EPHA8: variants seen among roughly 807,000 people sequenced by gnomAD.
EPHA8 encodes the protein EPH receptor A8, also known as ephrin type-A receptor 8.
Under a neutral mutation model 103.6 loss-of-function variants are expected in EPHA8, and 58 were observed. That is an observed-to-expected ratio of 0.56 (90% confidence interval 0.45 to 0.70). EPHA8 has a LOEUF of 0.70. Among genes scored for constraint, EPHA8 ranks in the 30% least tolerant of loss-of-function variants. EPHA8 has a pLI of 0.00. For synonymous variants in EPHA8, 559 were observed against 572.5 expected, an observed-to-expected ratio of 0.98 and a Z score of 0.34; for missense variants, 1,304 against 1,395.2, an observed-to-expected ratio of 0.93 and a Z score of 1.04.
chr1:22,602,467 C>T lies in EPHA8; in HGVS notation c.*726C>T, dbSNP rs1358347762. The T allele has an allele frequency of 6.5e-6, 1 of 153,070 alleles. No homozygotes were observed. Among genetic ancestry groups the T allele is most frequent in the African/African-American group, 2.4e-5 (1 of 41,442 alleles). 9.5% of individuals were successfully genotyped at this position (153,070 alleles called of 1,614,324 possible). A position where few individuals can be genotyped will look rare whatever the true frequency, so the allele number is the denominator to read the frequency against. ...GGCCACCTGCAGCCTCCACCCGGCT[C>T]TCACCGCTGCTTCAACAGGAAAACA... On this transcript the variant is annotated 3_prime_UTR_variant, in exon 17 of 17. Transcript: ENST00000166244.
chr1:22,602,883 A>G lies in EPHA8; in HGVS notation c.*1142A>G, dbSNP rs209697. On this transcript the variant is annotated 3_prime_UTR_variant, in exon 17 of 17. Transcript: ENST00000166244. ...CCTGCCAAGGCTCTTGTCCCCATAC[A>G]CCATCCCACAAGGGCGCTGGGGGTG... 0.16 allele frequency: 25,015 copies of G among 152,250 alleles called. 2,354 individuals carry two copies. The highest frequency in any genetic ancestry group is 0.25 in the African/African-American group (10,298 of 41,422). 9.4% of individuals were successfully genotyped at this position (152,250 alleles called of 1,614,324 possible). A position where few individuals can be genotyped will look rare whatever the true frequency, so the allele number is the denominator to read the frequency against.
At chr1:22,584,483 G>A (rs1241269300) in intron 3 of EPHA8, among the ~76,000 whole-genome samples, 1 of 152,168 alleles carries the variant, frequency 6.6e-6, no homozygotes, top group Non-Finnish European at 1.5e-5. Flanking sequence ...CTGACTCCAG[G>A]TTTTCTCTCA....
intron 1 of EPHA8, among the ~76,000 whole-genome samples, chr1:22,566,483 G>A (rs1444236712): frequency 2.0e-5 from 3 of 152,196 alleles, no homozygotes; most frequent in African/African-American, 4.8e-5. Context: ...AGAGGGACCC[G>A]TTTGATCCCC....
At chr1:22,600,514 C>A in intron 13 of EPHA8, 147 bp from the exon 14 acceptor site, 1 of 1,122,908 alleles carries the variant, frequency 8.9e-7, no homozygotes, top group Non-Finnish European at 1.3e-6. Flanking sequence ...AGGCCTCCCT[C>A]AGGACAGGTG....
At chr1:22,586,781 G>GGC (rs66713995) in intron 4 of EPHA8, 146 bp downstream of exon 4, 16 of 898,668 alleles carry the variant, frequency 1.8e-5, no homozygotes, top group Non-Finnish European at 2.1e-5. Context: ...AGTCTGAGGT[G>GGC]GGGGGGGTGA....
rs1640726407 is a variant in EPHA8 at position 22,576,973 on chromosome 1, C to T, written c.823+93C>T. ...GTGTAAGGGGGGACGTCAGAGCCCA[C>T]AGGCACCTGAGTGACCCACACAGCC... On this transcript the variant is annotated intron_variant, in intron 3 of 16. Coordinates refer to ENST00000166244, the MANE Select transcript of EPHA8 (RefSeq NM_020526.5). The surrounding 1 kb of genome is among the most constrained non-coding windows in gnomAD (Gnocchi z 4.8). 5 of 1,402,256 alleles carry T rather than the reference C, an allele frequency of 3.6e-6. No individual in the cohort carries two copies. Among genetic ancestry groups the T allele is most frequent in the Middle Eastern group, 2.6e-4 (1 of 3,820 alleles). The allele number at this position is 1,402,256 out of a possible 1,614,324, so 86.9% of individuals were successfully genotyped here. A position where few individuals can be genotyped will look rare whatever the true frequency, so the allele number is the denominator to read the frequency against.
rs1380751782 is a variant in EPHA8, at chr1:22,567,020, G to T, written c.95-2269G>T. Among the ~76,000 whole-genome samples the T allele has an allele frequency of 6.6e-6, 1 of 152,210 alleles. No individual in the cohort carries two copies. Among genetic ancestry groups the T allele is most frequent in the Non-Finnish European group, 1.5e-5 (1 of 68,036 alleles). ...ATCTTTGGATTATCTGATCCCCCTG[G>T]CTGGTTGATCAAGAATCAGCTGCAG... On this transcript the variant is annotated intron_variant, in intron 1 of 16. Coordinates refer to ENST00000166244, the MANE Select transcript of EPHA8 (RefSeq NM_020526.5). The surrounding 1 kb of genome is among the most constrained non-coding windows in gnomAD (Gnocchi z 4.2).
intron 2 of EPHA8, among the ~76,000 whole-genome samples, chr1:22,572,240 T>C (rs1640561594): frequency 6.6e-6 from 1 of 152,234 alleles, no homozygotes; most frequent in South Asian, 2.1e-4. Context: ...GCCAGGGCAC[T>C]GGGTCCTGAT....
At chr1:22,571,774 G>C (rs1202332802) in intron 2 of EPHA8, among the ~76,000 whole-genome samples, 2 of 152,196 alleles carry the variant, frequency 1.3e-5, no homozygotes, top group Non-Finnish European at 2.9e-5. Context: ...AGGGAGCCAG[G>C]CATGGTGGCT....
At chr1:22,590,902 C>T (rs1467361900) in intron 5 of EPHA8, among the ~76,000 whole-genome samples, 2 of 152,124 alleles carry the variant, frequency 1.3e-5, no homozygotes, top group Non-Finnish European at 2.9e-5. Context: ...GGACATGGCA[C>T]CTCCAGACCC....
At position 22,599,026 on chromosome 1, in the gene EPHA8, G is replaced by C. The variant is rs376937106; in HGVS notation, c.2367G>C (p.Pro789=). 3 of 1,607,966 alleles carry C rather than the reference G, an allele frequency of 1.9e-6. No individual in the cohort carries two copies. The highest frequency in any genetic ancestry group is 1.7e-5 in the Admixed American group (1 of 59,392). ...TCTCACGGGTGCTGGAGGACGACCC[G>C]GATGCTGCCTACACCACCACGGTGC... ...FGLSRVLEDD[P]DAAYTTTGGK... The change falls in exon 13 of 17, where the codon CCG becomes CCC. Residue 789 remains proline, a synonymous_variant. Coordinates refer to ENST00000166244, the MANE Select transcript of EPHA8 (RefSeq NM_020526.5).
At chr1:22,585,057 G>GCGCGTGCGCA (rs1641164319) in intron 3 of EPHA8, among the ~76,000 whole-genome samples, 1 of 150,724 alleles carries the variant, frequency 6.6e-6, no homozygotes, top group South Asian at 2.1e-4. Flanking sequence ...GTGTGCGCAC[G>GCGCGTGCGCA]CGTGTGTCTA....
intron 2 of EPHA8, among the ~76,000 whole-genome samples, chr1:22,574,937 C>T (rs1640642028): frequency 6.6e-6 from 1 of 152,138 alleles, no homozygotes; most frequent in Admixed American, 6.5e-5. Context: ...TCTCCACATC[C>T]TTGCCAACAC....
In EPHA8 at chr1:22,598,283, G is replaced by A. The variant is rs1158840805; in HGVS notation, c.2178+71G>A. 3.3e-6 allele frequency: 5 copies of A among 1,503,920 alleles called. No homozygotes were observed. In the Admixed American group the frequency reaches 5.4e-5, roughly 16 times the overall value. 93.2% of individuals were successfully genotyped at this position (1,503,920 alleles called of 1,614,324 possible). ...TCCAGTCTGGGTGCTGGGAGATAGT[G>A]CAAAGCCCTCTAAGCCCCCTCCCTG... On this transcript the variant is annotated intron_variant, in intron 12 of 16. Coordinates refer to ENST00000166244, the MANE Select transcript of EPHA8 (RefSeq NM_020526.5). The surrounding 1 kb of genome is among the most constrained non-coding windows in gnomAD (Gnocchi z 5.1).
At chr1:22,566,044 G>A (rs898884838) in intron 1 of EPHA8, among the ~76,000 whole-genome samples, 2 of 152,190 alleles carry the variant, frequency 1.3e-5, no homozygotes, top group Non-Finnish European at 1.5e-5. Context: ...TCCCAGCTGG[G>A]TCTAGCAAAG....
At position 22,598,175 on chromosome 1, in the gene EPHA8, A is replaced by G. The variant is rs771163012; in HGVS notation, c.2141A>G (p.Glu714Gly). 1.2e-6 allele frequency: 2 copies of G among 1,613,414 alleles called. No homozygotes were observed. The highest frequency in any genetic ancestry group is 2.2e-5 in the East Asian group (1 of 44,862). Residue 714 changes from glutamate to glycine, a missense_variant, in exon 12 of 17, where the codon GAG (glutamate) becomes GGG (glycine). By Grantham distance (98) the Glu-to-Gly change is moderately conservative. Transcript: ENST00000166244. The surrounding 1 kb of genome is among the most constrained non-coding windows in gnomAD (Gnocchi z 5.1). ...GGCCGCCTGGCAATGATTGTGACTG[A>G]GTACATGGAGAACGGCTCTCTGGAC... Reference protein sequence around the residue: ...TRGRLAMIVTEYMENGSLDTF... With the variant: ...TRGRLAMIVTGYMENGSLDTF...
Position 22,567,976 on chromosome 1 carries a change from A to G in EPHA8, c.95-1313A>G, listed in dbSNP as rs1640416512. ...AGCAAAGAGGTGAAGGGACTTAACC[A>G]AGGACACACAGCAGTTAGAGACGGC... is the stretch of plus-strand genomic sequence containing the variant. On this transcript the variant is annotated intron_variant, in intron 1 of 16. Transcript: ENST00000166244. This position sits in a 1 kb window ranked among gnomAD's most constrained non-coding sequence, Gnocchi z 4.2. 1.3e-5 allele frequency among the ~76,000 whole-genome samples: 2 copies of G among 152,252 alleles called. No homozygotes were observed.
chr1:22,600,543 T>G (rs1370408270), intron 13 of EPHA8, 118 bp from the exon 14 acceptor site: 2 of 1,357,002 alleles, frequency 1.5e-6, no homozygotes, highest in Non-Finnish European at 2.0e-6. Flanking sequence ...CGGTGGGGGC[T>G]GTGTTGTCCC....
At chr1:22,591,409 T>C (rs896083323) in intron 5 of EPHA8, among the ~76,000 whole-genome samples, 33 of 144,074 alleles carry the variant, frequency 2.3e-4, no homozygotes, top group African/African-American at 8.7e-4. Flanking sequence ...TTTGTAGAGA[T>C]GGGGTCTCCC....
Sources: gnomAD v4.1 joint callset for allele counts (sites outside exome capture counted in the v4.1 genomes callset) on GRCh38, gnomAD v4.1.1 for gene constraint, Gnocchi (gnomAD v3.1) non-coding constraint, MANE v1.5 for transcripts, NCBI Gene and HGNC (gene_info 2026-07-23, HGNC 2026-07-21) for gene names.